The following ATG14 variants were observed in gnomAD, a reference collection of about 807,000 sequenced individuals.
The protein encoded by ATG14 is beclin 1-associated autophagy-related key regulator.
A neutral mutation model predicts 60.4 loss-of-function variants in ATG14; 35 were observed. The ratio of observed to expected loss-of-function variants is 0.58; its 90% CI spans 0.44 to 0.77. The LOEUF (loss-of-function observed/expected upper bound fraction) is 0.77, where lower values mean the gene tolerates loss of function less well. Ranked by LOEUF, ATG14 falls within the 30% of genes least tolerant of loss-of-function variation. The pLI is 0.00. For missense variants in ATG14, 647 were observed against 626.3 expected, an observed-to-expected ratio of 1.03 and a Z score of -0.35; for synonymous variants, 234 against 228.8, an observed-to-expected ratio of 1.02 and a Z score of -0.21.
At position 55,386,033 on chromosome 14, in the gene ATG14, T is replaced by A; in HGVS notation, c.473A>T (p.His158Leu). The change falls in exon 5 of 10, where the codon CAC becomes CTC. Residue 158 changes from histidine to leucine, a missense_variant. His to Leu is a moderately conservative substitution (Grantham distance 99, BLOSUM62 -3). Transcript: ENST00000247178. Reference sequence around the variant, plus strand: ...CTGAATCTTCTCCTTTTTCTCTTGGTGCCGTTGTGCTCGACTGTAAAGCTT... The same window carrying A: ...CTGAATCTTCTCCTTTTTCTCTTGGAGCCGTTGTGCTCGACTGTAAAGCTT... Reference protein sequence around the residue: ...NQKLYSRAQRHQEKKEKIQRH... With the variant: ...NQKLYSRAQRLQEKKEKIQRH... 6.2e-7 allele frequency: 1 copy of A among 1,614,196 alleles called. No individual in the cohort carries two copies. The highest frequency in any genetic ancestry group is 1.1e-5 in the South Asian group (1 of 91,088).
intron 9 of ATG14, among the ~76,000 whole-genome samples, chr14:55,371,344 C>T (rs1884812347): frequency 6.6e-6 from 1 of 152,200 alleles, no homozygotes; most frequent in South Asian, 2.1e-4. Context: ...TCACTTTTTA[C>T]AGAAGCAAGC....
chr14:55,382,276 C>T (rs1026797989), intron 5 of ATG14, 85 bp from the exon 6 acceptor site: 38 of 1,193,836 alleles, frequency 3.2e-5, no homozygotes, highest in South Asian at 2.9e-4. Flanking sequence ...GCTAGAACAT[C>T]GAAAAGCTGC....
At chr14:55,394,768 G>A (rs563585486) in intron 3 of ATG14, among the ~76,000 whole-genome samples, 2 of 152,162 alleles carry the variant, frequency 1.3e-5, no homozygotes, top group African/African-American at 2.4e-5. Flanking sequence ...TACATTAAAT[G>A]CAGGACTGTG....
At chr14:55,393,370 G>A (rs955087506) in intron 3 of ATG14, among the ~76,000 whole-genome samples, 12 of 151,718 alleles carry the variant, frequency 7.9e-5, no homozygotes, top group Admixed American at 1.3e-4. Flanking sequence ...GGGTGACAGA[G>A]CGAGACTCTG....
intron 1 of ATG14, among the ~76,000 whole-genome samples, chr14:55,403,306 T>C (rs1268749254): frequency 6.6e-6 from 1 of 152,046 alleles, no homozygotes; most frequent in Non-Finnish European, 1.5e-5. Flanking sequence ...AATCTTACCA[T>C]GCATTAAACT....
In ATG14 at chr14:55,366,839, C is replaced by A. The variant is rs1344405779; in HGVS notation, c.*2780G>T. On this transcript the variant is annotated 3_prime_UTR_variant, in exon 10 of 10. Coordinates refer to ENST00000247178, the MANE Select transcript of ATG14 (RefSeq NM_014924.5). ...AAGCTGTTTACATATGGTTCTGGCA[C>A]CTACATGAAAGATTTTAATGAGCAG... is the stretch of plus-strand genomic sequence containing the variant. 1 of 152,416 alleles carries A rather than the reference C, an allele frequency of 6.6e-6. No individual in the cohort carries two copies. The highest frequency in any genetic ancestry group is 6.6e-5 in the Admixed American group (1 of 15,256). 9.4% of individuals were successfully genotyped at this position (152,416 alleles called of 1,614,324 possible). A position where few individuals can be genotyped will look rare whatever the true frequency, so the allele number is the denominator to read the frequency against.
At chr14:55,397,783 T>C (rs1296066965) in intron 1 of ATG14, among the ~76,000 whole-genome samples, 2 of 152,208 alleles carry the variant, frequency 1.3e-5, no homozygotes, top group Non-Finnish European at 2.9e-5. Flanking sequence ...TTTTAATTAC[T>C]AATCTGGATT....
chr14:55,387,941 C>CA (rs1389652771), intron 4 of ATG14, among the ~76,000 whole-genome samples: 1 of 152,190 alleles, frequency 6.6e-6, no homozygotes, highest in Non-Finnish European at 1.5e-5. Context: ...GGATTATAGG[C>CA]ATGAGCCACT....
At chr14:55,370,446 C>T (rs1314562203) in intron 9 of ATG14, among the ~76,000 whole-genome samples, 2 of 152,206 alleles carry the variant, frequency 1.3e-5, no homozygotes, top group Non-Finnish European at 2.9e-5. Context: ...GAATGAGGCA[C>T]AACTGTTTAG....
At chr14:55,411,042 A>T (rs1885562844) in intron 1 of ATG14, among the ~76,000 whole-genome samples, 1 of 152,224 alleles carries the variant, frequency 6.6e-6, no homozygotes, top group Non-Finnish European at 1.5e-5. Context: ...ATTCCTAAGA[A>T]TCTAAAATAA....
intron 9 of ATG14, 130 bp downstream of exon 9, chr14:55,377,689 T>C: frequency 1.8e-6 from 1 of 557,108 alleles, no homozygotes. Flanking sequence ...TCTTTCTGTA[T>C]TGGACTCCAC....
At chr14:55,395,311 G>T (rs1885294984) in intron 3 of ATG14, 4 of 270,180 alleles carry the variant, frequency 1.5e-5, no homozygotes, top group South Asian at 1.2e-4. Flanking sequence ...CGGGCTGCCT[G>T]GCTGCTGCCA....
In ATG14 at chr14:55,369,795, A is replaced by G; in HGVS notation, c.1303T>C (p.Trp435Arg). 6.2e-7 allele frequency: 1 copy of G among 1,614,206 alleles called. No individual in the cohort carries two copies. Among genetic ancestry groups the G allele is most frequent in the Non-Finnish European group, 8.5e-7 (1 of 1,180,028 alleles). The part of the protein sequence containing the change: ...SDEETDLGTD[W>R]ENLPSPRFCD... Reference sequence around the variant, plus strand: ...AACCGGGGACTAGGCAAGTTCTCCCAGTCTGTGCCCAGGTCGGTTTCTTCA... The same window carrying G: ...AACCGGGGACTAGGCAAGTTCTCCCGGTCTGTGCCCAGGTCGGTTTCTTCA... Residue 435 changes from tryptophan (W) to arginine (R), a missense_variant, in exon 10 of 10, where the codon TGG becomes CGG. By Grantham distance (101) the Trp-to-Arg change is moderately radical. Transcript: ENST00000247178.
chr14:55,368,703 G>A lies in ATG14; in HGVS notation c.*916C>T, dbSNP rs1316446843. On this transcript the variant is annotated 3_prime_UTR_variant, in exon 10 of 10. Coordinates refer to ENST00000247178, the MANE Select transcript of ATG14 (RefSeq NM_014924.5). ...TACTCAATCCCATAGAAAGAAAGTGGACACCACAAGAATGACCAGAGGCCA... is the reference window on the plus strand; with the variant it reads ...TACTCAATCCCATAGAAAGAAAGTGAACACCACAAGAATGACCAGAGGCCA... 6.6e-6 allele frequency: 1 copy of A among 152,170 alleles called. No individual in the cohort carries two copies. Among genetic ancestry groups the A allele is most frequent in the Non-Finnish European group, 1.5e-5 (1 of 68,032 alleles). 9.4% of individuals were successfully genotyped at this position (152,170 alleles called of 1,614,324 possible). A position where few individuals can be genotyped will look rare whatever the true frequency, so the allele number is the denominator to read the frequency against.
chr14:55,383,981 C>T (rs1885080823), intron 5 of ATG14, among the ~76,000 whole-genome samples: 1 of 152,126 alleles, frequency 6.6e-6, no homozygotes, highest in African/African-American at 2.4e-5. Flanking sequence ...TCCTCTTGGC[C>T]AGTGGTTCTT....
At chr14:55,387,883 A>T (rs1402316710) in intron 4 of ATG14, among the ~76,000 whole-genome samples, 1 of 151,874 alleles carries the variant, frequency 6.6e-6, no homozygotes, top group East Asian at 1.9e-4. Flanking sequence ...CTGATCTCAA[A>T]CTCCTGACCT....
chr14:55,400,577 C>T (rs1359301364), intron 1 of ATG14, among the ~76,000 whole-genome samples: 4 of 152,176 alleles, frequency 2.6e-5, no homozygotes, highest in Non-Finnish European at 5.9e-5. Flanking sequence ...CTTTTATAGG[C>T]TTTCAAGTTT....
At position 55,369,780 on chromosome 14, in the gene ATG14, T is replaced by A. The variant is rs773673640; in HGVS notation, c.1318A>T (p.Ser440Cys). 1.9e-6 allele frequency: 3 copies of A among 1,614,204 alleles called. No individual in the cohort carries two copies. The highest frequency in any genetic ancestry group is 2.5e-6 in the Non-Finnish European group (3 of 1,180,036). The change falls in exon 10 of 10, where the codon AGT (serine) becomes TGT (cysteine). Residue 440 changes from serine (S) to cysteine (C), a missense_variant. Physicochemically the swap from Ser to Cys is moderately radical, Grantham distance 112. Coordinates refer to ENST00000247178, the MANE Select transcript of ATG14 (RefSeq NM_014924.5). ...DLGTDWENLP[S>C]PRFCDIPSQS... Reference sequence around the variant, plus strand: ...GAAGGGATATCACAAAACCGGGGACTAGGCAAGTTCTCCCAGTCTGTGCCC... The same window carrying A: ...GAAGGGATATCACAAAACCGGGGACAAGGCAAGTTCTCCCAGTCTGTGCCC...
chr14:55,411,695 C>G lies in ATG14; in HGVS notation c.128G>C (p.Cys43Ser). The G allele has an allele frequency of 1.2e-6, 2 of 1,612,960 alleles. No individual in the cohort carries two copies. The highest frequency in any genetic ancestry group is 1.7e-6 in the Non-Finnish European group (2 of 1,179,768). Residue 43 changes from cysteine (C) to serine (S), a missense_variant, in exon 1 of 10, where the codon TGC becomes TCC. Cys to Ser is a moderately radical substitution (Grantham distance 112). Coordinates refer to ENST00000247178, the MANE Select transcript of ATG14 (RefSeq NM_014924.5). The stretch of plus-strand genomic sequence containing the variant: ...CCGGCGGGTAGTGTTGCACAGCGGG[C>G]AGCGCTCCACAGCCACGTACAGCCC... Reference protein sequence around the residue: ...AEGLYVAVERCPLCNTTRRRL... With the variant: ...AEGLYVAVERSPLCNTTRRRL...
Sources: gnomAD v4.1 joint callset for allele counts (sites outside exome capture counted in the v4.1 genomes callset) on GRCh38, gnomAD v4.1.1 for gene constraint, MANE v1.5 for transcripts, NCBI Gene and HGNC (gene_info 2026-07-23, HGNC 2026-07-21) for gene names.